Variants in CACNA2D1 observed in about 807,000 individuals in gnomAD.
CACNA2D1 encodes voltage-dependent calcium channel subunit alpha-2/delta-1.
In CACNA2D1, 53 loss-of-function variants were observed where a neutral mutation model predicts 171.5. That is an observed-to-expected ratio of 0.31 (90% CI 0.25 to 0.39). The LOEUF (loss-of-function observed/expected upper bound fraction) is 0.39. CACNA2D1 is among the 10% of genes least tolerant of loss of function. The pLI is 1.00. For missense variants in CACNA2D1, 903 were observed against 1,299.8 expected (o/e 0.69, Z 4.69); for synonymous variants, 442 against 443.1 (o/e 1.00, Z 0.03).
At chr7:82,196,489 C>T (rs1798865263) in intron 3 of CACNA2D1, among the ~76,000 whole-genome samples, 1 of 151,920 alleles carries the variant, frequency 6.6e-6, no homozygotes, top group Non-Finnish European at 1.5e-5. Flanking sequence ...CTAACTAGTG[C>T]CATTAGGAAT....
At chr7:82,014,364 T>A (rs1562870493) in intron 13 of CACNA2D1, 37 bp downstream of exon 13, 3 of 1,118,862 alleles carry the variant, frequency 2.7e-6, no homozygotes, top group Non-Finnish European at 4.1e-6. Context: ...CAAAATAGTT[T>A]TTCTTCTAAT....
chr7:82,072,089 T>TA (rs1252328053), intron 7 of CACNA2D1, among the ~76,000 whole-genome samples: 4 of 152,146 alleles, frequency 2.6e-5, no homozygotes, highest in Admixed American at 2.0e-4. Flanking sequence ...TATATATTAT[T>TA]AAGTAATTGA....
chr7:82,099,847 T>G (rs1213083244), intron 6 of CACNA2D1, among the ~76,000 whole-genome samples: 2 of 152,196 alleles, frequency 1.3e-5, no homozygotes, highest in South Asian at 4.1e-4. Context: ...GTGTACTTAA[T>G]ACATGTACAA....
At position 82,211,045 on chromosome 7, in the gene CACNA2D1, T is replaced by G. The variant is rs150853805; in HGVS notation, c.295-40436A>C. ...ACAGACGTGCTATAAGTAGACCTAT[T>G]TATATAAAACATTATTGTTTATATG... On this transcript the variant is annotated intron_variant, in intron 3 of 38. Transcript: ENST00000356860. Among the ~76,000 whole-genome samples, 483 of 152,278 alleles carry G rather than the reference T, an allele frequency of 3.2e-3. 6 individuals are homozygous for G. Among genetic ancestry groups the G allele is most frequent in the South Asian group, 0.011 (54 of 4,826 alleles).
chr7:82,286,640 G>A (rs1422346898), intron 3 of CACNA2D1, among the ~76,000 whole-genome samples: 3 of 152,104 alleles, frequency 2.0e-5, no homozygotes, highest in African/African-American at 7.2e-5. Flanking sequence ...ACTGATTATT[G>A]ACGTAGCAAA....
chr7:82,040,300 G>C (rs1037836045), intron 10 of CACNA2D1, among the ~76,000 whole-genome samples: 1 of 152,046 alleles, frequency 6.6e-6, no homozygotes, highest in Non-Finnish European at 1.5e-5. Flanking sequence ...AGGGATGACT[G>C]GTTCAGGGAT....
At chr7:82,375,837 C>T (rs186859222) in intron 1 of CACNA2D1, among the ~76,000 whole-genome samples, 4 of 152,224 alleles carry the variant, frequency 2.6e-5, no homozygotes, top group African/African-American at 9.6e-5. Context: ...TCTTTGAGGT[C>T]TCTAGGGTGA....
chr7:82,369,946 G>A (rs1245854724), intron 1 of CACNA2D1, among the ~76,000 whole-genome samples: 1 of 151,968 alleles, frequency 6.6e-6, no homozygotes, highest in East Asian at 1.9e-4. Flanking sequence ...AACAGATGAT[G>A]GCAAAAGCGG....
At chr7:82,354,081 G>A (rs1367530948) in intron 1 of CACNA2D1, among the ~76,000 whole-genome samples, 1 of 152,076 alleles carries the variant, frequency 6.6e-6, no homozygotes, top group African/African-American at 2.4e-5. Flanking sequence ...CCAAAGGGAA[G>A]GAACATCACA....
chr7:82,285,849 G>A (rs1810694064), intron 3 of CACNA2D1, among the ~76,000 whole-genome samples: 1 of 152,100 alleles, frequency 6.6e-6, no homozygotes, highest in African/African-American at 2.4e-5. Flanking sequence ...GTTAAAGTAC[G>A]CAACACTGGC....
chr7:82,159,829 G>GT (rs1471351027), intron 4 of CACNA2D1, among the ~76,000 whole-genome samples: 2 of 74,908 alleles, frequency 2.7e-5, no homozygotes, highest in Admixed American at 1.5e-4. Context: ...AAAATGAAAT[G>GT]TTAAAAAAAA....
chr7:82,031,343 TATTAGTTA>T, intron 12 of CACNA2D1, among the ~76,000 whole-genome samples: 1 of 151,992 alleles, frequency 6.6e-6, no homozygotes, highest in Non-Finnish European at 1.5e-5. Context: ...GATATGCACA[TATTAGTTA>T]ATGCATCTGG....
chr7:82,340,347 T>TG (rs934501821), intron 2 of CACNA2D1, among the ~76,000 whole-genome samples: 51 of 152,000 alleles, frequency 3.4e-4, no homozygotes, highest in African/African-American at 1.2e-3. Context: ...TTTTGTTTTT[T>TG]TTTTTTTTTA....
At chr7:82,424,471 T>C (rs1364835691) in intron 1 of CACNA2D1, among the ~76,000 whole-genome samples, 4 of 152,334 alleles carry the variant, frequency 2.6e-5, no homozygotes, top group African/African-American at 9.6e-5. Flanking sequence ...TACATACTGA[T>C]TCAAATGAAA....
intron 1 of CACNA2D1, among the ~76,000 whole-genome samples, chr7:82,360,943 T>C (rs17156210): frequency 0.054 from 8,213 of 152,306 alleles, 273 homozygotes; most frequent in South Asian, 0.088. Flanking sequence ...AAAAGAATAT[T>C]GCCAAGTTAG....
At chr7:82,086,580 T>C in intron 6 of CACNA2D1, among the ~76,000 whole-genome samples, 1 of 152,260 alleles carries the variant, frequency 6.6e-6, no homozygotes, top group East Asian at 1.9e-4. Context: ...TTCATGAATA[T>C]TTATATCAAT....
At chr7:82,141,693 C>G (rs894143925) in intron 4 of CACNA2D1, among the ~76,000 whole-genome samples, 2 of 152,172 alleles carry the variant, frequency 1.3e-5, no homozygotes, top group African/African-American at 4.8e-5. Flanking sequence ...AAAAATATCT[C>G]ATTATGGTTG....
chr7:81,999,832 T>G (rs1798406951), intron 18 of CACNA2D1, among the ~76,000 whole-genome samples: 1 of 152,164 alleles, frequency 6.6e-6, no homozygotes, highest in South Asian at 2.1e-4. Flanking sequence ...TTATAGGAAT[T>G]ATAAAAGATA....
At chr7:81,997,505 G>A (rs1364430176) in intron 18 of CACNA2D1, among the ~76,000 whole-genome samples, 1 of 151,480 alleles carries the variant, frequency 6.6e-6, no homozygotes, top group East Asian at 1.9e-4. Context: ...ATTTGATACT[G>A]CATTTATATT....
Sources: gnomAD v4.1 joint callset for allele counts (sites outside exome capture counted in the v4.1 genomes callset) on GRCh38, gnomAD v4.1.1 for gene constraint, MANE v1.5 for transcripts, NCBI Gene and HGNC (gene_info 2026-07-23, HGNC 2026-07-21) for gene names.